The following ETV7 variants were observed in gnomAD, a reference collection of about 807,000 sequenced individuals.
ETV7 encodes ETS variant transcription factor 7.
A neutral mutation model predicts 39.1 loss-of-function variants in ETV7; 43 were observed. That is an observed-to-expected ratio of 1.10 (90% CI 0.86 to 1.42). The LOEUF is 1.42. Among genes scored for constraint, ETV7 ranks in the 40% most tolerant of loss-of-function variants. ETV7 has a pLI of 0.00. For synonymous variants in ETV7, 196 were observed against 176.6 expected, an observed-to-expected ratio of 1.11 and a Z score of -0.87; for missense variants, 432 against 442.3, an observed-to-expected ratio of 0.98 and a Z score of 0.21.
At chr6:36,362,033 T>C (rs1772504896), downstream of ETV7, among the ~76,000 whole-genome samples, 1 of 151,824 alleles carries the variant, frequency 6.6e-6, no homozygotes, top group African/African-American at 2.4e-5. Flanking sequence ...GCGCGGTGGC[T>C]CACACCTGTA....
intron 2 of ETV7, among the ~76,000 whole-genome samples, chr6:36,376,814 T>A (rs1054664086): frequency 2.0e-5 from 3 of 151,552 alleles, no homozygotes; most frequent in African/African-American, 7.3e-5. Context: ...ATGTTATTGT[T>A]TCCCAAATGA....
chr6:36,357,515 T>C (rs1316260101), intron 7 of ETV7, among the ~76,000 whole-genome samples: 1 of 152,092 alleles, frequency 6.6e-6, no homozygotes, highest in East Asian at 1.9e-4. Context: ...GCAAGGAATA[T>C]AGGTGGAATA....
chr6:36,372,339 A>AG, intron 4 of ETV7, among the ~76,000 whole-genome samples: 1 of 152,210 alleles, frequency 6.6e-6, no homozygotes, highest in African/African-American at 2.4e-5. Context: ...GAAGGCTGGG[A>AG]GGGGAAGGCA....
intron 2 of ETV7, among the ~76,000 whole-genome samples, chr6:36,376,482 A>T (rs1418374089): frequency 6.6e-6 from 1 of 152,226 alleles, no homozygotes; most frequent in Non-Finnish European, 1.5e-5. Context: ...CAACCCAATG[A>T]AAGGGGTGTT....
intron 7 of ETV7, among the ~76,000 whole-genome samples, chr6:36,359,930 C>T (rs528143101): frequency 3.9e-4 from 60 of 151,972 alleles, no homozygotes; most frequent in African/African-American, 1.3e-3. Context: ...CCGAGTCTCA[C>T]TCTGATGCCA....
intron 1 of ETV7, among the ~76,000 whole-genome samples, chr6:36,386,635 G>T (rs1321934750): frequency 7.9e-5 from 12 of 152,342 alleles, no homozygotes; most frequent in Non-Finnish European, 2.9e-5. Flanking sequence ...CATCTCTTGG[G>T]ATCCGAGGAG....
rs181531113 is a variant in ETV7, at chr6:36,367,356, T to A, written c.808-381A>T. 2.0e-4 allele frequency among the ~76,000 whole-genome samples: 30 copies of A among 151,852 alleles called. No individual in the cohort carries two copies. The East Asian group carries it at 5.8e-3, about 29-fold the overall frequency. Reference sequence around the variant, plus strand: ...TACTCAGGAGGCTGAGGCAGGAGAATCCCTTGAACCCAGGAGGCAGAGGTT... The same window carrying A: ...TACTCAGGAGGCTGAGGCAGGAGAAACCCTTGAACCCAGGAGGCAGAGGTT... On this transcript the variant is annotated intron_variant, in intron 6 of 7. Coordinates refer to ENST00000340181, the MANE Select transcript of ETV7 (RefSeq NM_016135.4).
intron 2 of ETV7, among the ~76,000 whole-genome samples, chr6:36,380,338 C>A (rs1773591087): frequency 6.6e-6 from 1 of 152,216 alleles, no homozygotes; most frequent in African/African-American, 2.4e-5. Context: ...ATTTTCAGTT[C>A]TTTCCCATTA....
At chr6:36,355,732 G>A (rs534091661) in intron 7 of ETV7, among the ~76,000 whole-genome samples, 1 of 152,314 alleles carries the variant, frequency 6.6e-6, no homozygotes, top group South Asian at 2.1e-4. Flanking sequence ...TTAAAGTATG[G>A]ATTTGAGAGA....
chr6:36,375,021 A>G (rs556747670), intron 3 of ETV7, among the ~76,000 whole-genome samples: 1 of 150,480 alleles, frequency 6.6e-6, no homozygotes, highest in Admixed American at 6.7e-5. Context: ...GTGAGCCAGG[A>G]TCGCGCCACT....
intron 1 of ETV7, 101 bp downstream of exon 1, chr6:36,387,435 A>G: frequency 6.7e-7 from 1 of 1,489,290 alleles, no homozygotes; most frequent in Non-Finnish European, 9.4e-7. Flanking sequence ...CGCCAGGTAA[A>G]AGGTCTGATA....
chr6:36,373,425 C>T (rs765027507), intron 4 of ETV7, 28 bp downstream of exon 4: 43 of 1,508,224 alleles, frequency 2.9e-5, no homozygotes, highest in South Asian at 4.0e-5. Flanking sequence ...GAGGGAGGTA[C>T]TCCGAGCACC....
At chr6:36,380,352 A>G (rs1341453142) in intron 2 of ETV7, among the ~76,000 whole-genome samples, 1 of 152,132 alleles carries the variant, frequency 6.6e-6, no homozygotes, top group Non-Finnish European at 1.5e-5. Flanking sequence ...CCCATTAACC[A>G]TCTTTGTCTC....
rs1561918696 is a variant in ETV7, at chr6:36,385,533, CG to C, written c.142del (p.Arg48AlafsTer35). 1.9e-6 allele frequency: 3 copies of C among 1,614,206 alleles called. No homozygotes were observed. Among genetic ancestry groups the C allele is most frequent in the Admixed American group, 1.7e-5 (1 of 60,032 alleles). ...GGICKLPGRLRIQPALWSRED... is the reference protein window; with the variant it reads ...GGICKLPGRLXIQPALWSRED... The stretch of plus-strand genomic sequence containing the variant: ...CAGCTTTTCTCCTCCCCTCTACTTA[CG>C]GAGTCTTCCTGGCAGCTTGCAGATC... On this transcript the variant is annotated frameshift_variant and splice_region_variant, in exon 2 of 8. Coordinates refer to ENST00000340181, the MANE Select transcript of ETV7 (RefSeq NM_016135.4). LOFTEE classifies it high-confidence loss of function.
Position 36,371,367 on chromosome 6 carries a change from G to T in ETV7, c.627C>A (p.Pro209=). Residue 209 remains proline, a synonymous_variant, in exon 5 of 8, where the codon CCC becomes CCA. Coordinates refer to ENST00000340181, the MANE Select transcript of ETV7 (RefSeq NM_016135.4). ...CGTCAATGGGGGCCTGCGGCATCGC[G>T]GGGAAGGAACAGACCCCCTGGGTCC... ...GCRTQGVCSF[P]AMPQAPIDGR... is the part of the protein sequence containing the mutation. 6.3e-7 allele frequency: 1 copy of T among 1,599,780 alleles called. No homozygotes were observed. Among genetic ancestry groups the T allele is most frequent in the East Asian group, 2.3e-5 (1 of 44,266 alleles).
intron 7 of ETV7, among the ~76,000 whole-genome samples, chr6:36,359,847 C>T (rs1445896416): frequency 6.6e-6 from 1 of 152,084 alleles, no homozygotes; most frequent in South Asian, 2.1e-4. Flanking sequence ...GAAAGTGAGT[C>T]CTAGAAGGGT....
chr6:36,357,263 G>A (rs944333820), intron 7 of ETV7, among the ~76,000 whole-genome samples: 4 of 152,276 alleles, frequency 2.6e-5, no homozygotes, highest in East Asian at 1.9e-4. Flanking sequence ...AGAGGGCAGC[G>A]CACAGAAGCT....
At chr6:36,385,237 A>G (rs1773836858) in intron 2 of ETV7, among the ~76,000 whole-genome samples, 1 of 152,146 alleles carries the variant, frequency 6.6e-6, no homozygotes, top group Non-Finnish European at 1.5e-5. Context: ...GCACTTTGAG[A>G]GGCAGAGGCG....
chr6:36,383,026 G>T (rs528437495), intron 2 of ETV7, among the ~76,000 whole-genome samples: 52 of 151,978 alleles, frequency 3.4e-4, no homozygotes, highest in Admixed American at 1.4e-3. Context: ...TCTCTGAACT[G>T]CCTCCTCTCA....
Sources: gnomAD v4.1 joint callset for allele counts (sites outside exome capture counted in the v4.1 genomes callset) on GRCh38, gnomAD v4.1.1 for gene constraint, MANE v1.5 for transcripts, NCBI Gene and HGNC (gene_info 2026-07-23, HGNC 2026-07-21) for gene names.